The following SMIM36 variants were observed in gnomAD, a reference collection of about 807,000 sequenced individuals.
SMIM36 encodes the protein small integral membrane protein 36.
Position 55,476,306 on chromosome 17 carries a change from G to A in SMIM36, c.*347+2456C>T, listed in dbSNP as rs188140061. Among the ~76,000 whole-genome samples, 64 of 151,846 alleles carry A rather than the reference G, an allele frequency of 4.2e-4. No homozygotes were observed. The East Asian group carries it at 4.3e-3, about 10-fold the overall frequency. ...CAGTGAGTCTCAGCAGCTCCCCACC[G>A]AGCGCCTTGTGACCCCTACCCCTGC... On this transcript the variant is annotated intron_variant, in intron 3 of 4. Coordinates refer to ENST00000636752, the Ensembl canonical transcript of SMIM36.
At chr17:55,528,180 T>A in the SMIM36 span, 1 of 152,254 alleles carries the variant, frequency 6.6e-6, no homozygotes, top group Admixed American at 6.5e-5. Context: ...TTGTGTTATC[T>A]CATTGTTCTC....
chr17:55,466,830 C>G (rs554197779), intron 4 of SMIM36, among the ~76,000 whole-genome samples: 27 of 152,350 alleles, frequency 1.8e-4, no homozygotes, highest in African/African-American at 6.3e-4. Context: ...TCAGTTTCCT[C>G]TTAAGCAGCA....
chr17:55,487,829 T>C (rs1909633542), intron 1 of SMIM36, among the ~76,000 whole-genome samples: 1 of 152,206 alleles, frequency 6.6e-6, no homozygotes, highest in African/African-American at 2.4e-5. Context: ...GATGCAAGGC[T>C]GAGACCCCTT....
At chr17:55,528,311 G>T in the SMIM36 span, among the ~76,000 whole-genome samples, 2 of 152,030 alleles carry the variant, frequency 1.3e-5, no homozygotes, top group Non-Finnish European at 2.9e-5. Context: ...AACAACACAG[G>T]TGGGTGGGAT....
rs368079317 is a variant in SMIM36, at chr17:55,485,417, C to T, written c.*175-5837G>A. ...AGTCCCACCTCAGCCTCCTAAGTAGCTGGGACCACAGGTGTGTTCCACCAT... is the reference window on the plus strand; with the variant it reads ...AGTCCCACCTCAGCCTCCTAAGTAGTTGGGACCACAGGTGTGTTCCACCAT... On this transcript the variant is annotated intron_variant, in intron 1 of 4. Coordinates refer to ENST00000636752, the Ensembl canonical transcript of SMIM36. 2.0e-3 allele frequency among the ~76,000 whole-genome samples: 302 copies of T among 151,270 alleles called. 3 individuals carry two copies. Among genetic ancestry groups the T allele is most frequent in the South Asian group, 0.019 (91 of 4,786 alleles).
chr17:55,491,884 G>A (rs765443413), intron 1 of SMIM36, among the ~76,000 whole-genome samples: 9 of 152,166 alleles, frequency 5.9e-5, no homozygotes, highest in Non-Finnish European at 1.3e-4. Context: ...ACTAGGCGGG[G>A]CGGGGTGGCT....
chr17:55,512,625 T>C (rs1156299367), upstream of SMIM36, among the ~76,000 whole-genome samples: 1 of 152,278 alleles, frequency 6.6e-6, no homozygotes, highest in Non-Finnish European at 1.5e-5. Context: ...GCATGTGCCC[T>C]GTGCAGCTGC....
At chr17:55,459,028 C>A (rs1909086590) in intron 4 of SMIM36, among the ~76,000 whole-genome samples, 1 of 152,174 alleles carries the variant, frequency 6.6e-6, no homozygotes, top group Non-Finnish European at 1.5e-5. Context: ...CACACGCCCA[C>A]TGGGGCCTCA....
intron 1 of SMIM36, among the ~76,000 whole-genome samples, chr17:55,496,867 G>C (rs1909816712): frequency 6.6e-6 from 1 of 152,278 alleles, no homozygotes; most frequent in African/African-American, 2.4e-5. Flanking sequence ...CCTGGATTCT[G>C]CTGATCCCAC....
chr17:55,499,426 CA>C (rs1219787705), intron 1 of SMIM36, among the ~76,000 whole-genome samples: 1 of 152,112 alleles, frequency 6.6e-6, no homozygotes, highest in Non-Finnish European at 1.5e-5. Flanking sequence ...TGGCCTTGTG[CA>C]CACTCGAGCT....
chr17:55,515,086 GTTTTTTTTTTTT>G (rs1158864125), upstream of SMIM36, among the ~76,000 whole-genome samples: 12 of 54,102 alleles, frequency 2.2e-4, no homozygotes, highest in South Asian at 5.7e-4. Context: ...CTAGTCTAGT[GTTTTTTTTTTTT>G]TTTTTTTTTT....
the SMIM36 span, among the ~76,000 whole-genome samples, chr17:55,520,416 A>C: frequency 6.6e-6 from 1 of 152,202 alleles, no homozygotes; most frequent in Non-Finnish European, 1.5e-5. Flanking sequence ...ACTTTCATTT[A>C]AAGGAAGCAA....
intron 4 of SMIM36, among the ~76,000 whole-genome samples, chr17:55,453,660 G>C (rs1908965228): frequency 6.6e-6 from 1 of 152,144 alleles, no homozygotes; most frequent in African/African-American, 2.4e-5. Context: ...CTGAGAACAA[G>C]AATCAGAACA....
chr17:55,466,160 C>A (rs566351820), intron 4 of SMIM36, among the ~76,000 whole-genome samples: 1 of 151,410 alleles, frequency 6.6e-6, no homozygotes, highest in South Asian at 2.1e-4. Context: ...ACCTGTAATC[C>A]CAGCTACTAG....
At chr17:55,528,210 G>A in the SMIM36 span, 1 of 152,290 alleles carries the variant, frequency 6.6e-6, no homozygotes, top group African/African-American at 2.4e-5. Context: ...AGCCTCATGT[G>A]AGGCACAATA....
At chr17:55,531,969 GT>G in the SMIM36 span, among the ~76,000 whole-genome samples, 1 of 152,230 alleles carries the variant, frequency 6.6e-6, no homozygotes, top group Non-Finnish European at 1.5e-5. Flanking sequence ...CCAAGTGTCA[GT>G]TGTGTGGGTG....
intron 4 of SMIM36, among the ~76,000 whole-genome samples, chr17:55,464,911 G>T (rs1437492078): frequency 6.6e-6 from 1 of 152,118 alleles, no homozygotes; most frequent in Non-Finnish European, 1.5e-5. Context: ...CATAGTTCTT[G>T]GATTTGCAAA....
intron 1 of SMIM36, among the ~76,000 whole-genome samples, chr17:55,482,151 A>G (rs1172392226): frequency 6.6e-6 from 1 of 152,252 alleles, no homozygotes; most frequent in Non-Finnish European, 1.5e-5. Context: ...CTAGTATTAG[A>G]CGAATCCTAA....
At chr17:55,494,884 A>C (rs1178801402) in intron 1 of SMIM36, among the ~76,000 whole-genome samples, 1 of 152,238 alleles carries the variant, frequency 6.6e-6, no homozygotes, top group Non-Finnish European at 1.5e-5. Flanking sequence ...TTTGAAAGCC[A>C]CTGGTTTAGA....
Sources: gnomAD v4.1 joint callset for allele counts (sites outside exome capture counted in the v4.1 genomes callset) on GRCh38, gnomAD v4.1.1 for gene constraint, MANE v1.5 for transcripts, NCBI Gene and HGNC (gene_info 2026-07-23, HGNC 2026-07-21) for gene names.